Variants in RSF1 observed in about 807,000 individuals in gnomAD.
RSF1 encodes the protein remodeling and spacing factor 1.
A neutral mutation model predicts 145.2 loss-of-function variants in RSF1; 13 were observed. The ratio of observed to expected loss-of-function variants is 0.09; its 90% CI spans 0.06 to 0.14. RSF1 has a LOEUF of 0.14. Ranked by LOEUF, RSF1 falls within the 10% of genes least tolerant of loss-of-function variation. RSF1 has a pLI of 1.00. For synonymous variants in RSF1, 577 were observed against 592.6 expected, an observed-to-expected ratio of 0.97 and a Z score of 0.38; for missense variants, 1,517 against 1,718.2, an observed-to-expected ratio of 0.88 and a Z score of 2.07.
At chr11:77,715,926 T>C (rs970741759) in intron 5 of RSF1, among the ~76,000 whole-genome samples, 1 of 152,200 alleles carries the variant, frequency 6.6e-6, no homozygotes, top group Non-Finnish European at 1.5e-5. Context: ...TGCAACACCA[T>C]GCTTGGCTAG....
intron 12 of RSF1, among the ~76,000 whole-genome samples, chr11:77,677,376 T>C (rs1959736451): frequency 1.3e-5 from 2 of 152,342 alleles, no homozygotes; most frequent in South Asian, 4.1e-4. Flanking sequence ...CTCATACCTA[T>C]GAGCAGTCAC....
At chr11:77,792,173 T>G (rs1948524105) in intron 1 of RSF1, among the ~76,000 whole-genome samples, 1 of 152,084 alleles carries the variant, frequency 6.6e-6, no homozygotes, top group Non-Finnish European at 1.5e-5. Flanking sequence ...AGAGAGCTTG[T>G]GCAGGGAAAC....
intron 4 of RSF1, 75 bp downstream of exon 4, chr11:77,740,656 T>C: frequency 7.2e-7 from 1 of 1,385,752 alleles, no homozygotes; most frequent in East Asian, 2.3e-5. Context: ...GTCTGATAGA[T>C]AACATCCTAG....
chr11:77,682,763 T>C (rs1396832689), intron 11 of RSF1, among the ~76,000 whole-genome samples: 2 of 152,234 alleles, frequency 1.3e-5, no homozygotes, highest in African/African-American at 2.4e-5. Flanking sequence ...TCATTACAAT[T>C]GTAAGTGCTT....
chr11:77,724,247 A>C (rs963483830), intron 5 of RSF1, among the ~76,000 whole-genome samples: 1 of 152,180 alleles, frequency 6.6e-6, no homozygotes, highest in Non-Finnish European at 1.5e-5. Context: ...TGAGGATGGG[A>C]AGCAACTAGA....
chr11:77,789,759 A>C (rs1028061395), intron 1 of RSF1, among the ~76,000 whole-genome samples: 4 of 152,346 alleles, frequency 2.6e-5, no homozygotes, highest in African/African-American at 9.6e-5. Context: ...ACCAACAGGG[A>C]GCCTGAGGAT....
chr11:77,782,950 T>C (rs1017518825), intron 1 of RSF1, among the ~76,000 whole-genome samples: 1 of 152,252 alleles, frequency 6.6e-6, no homozygotes, highest in Non-Finnish European at 1.5e-5. Flanking sequence ...TCTATTATTT[T>C]GTTCATATAC....
chr11:77,869,980 G>A, the RSF1 span: 24 of 574,910 alleles, frequency 4.2e-5, no homozygotes, highest in Non-Finnish European at 5.9e-5. Flanking sequence ...CCTCATCAGC[G>A]TTGGGCTCTC....
intron 2 of RSF1, among the ~76,000 whole-genome samples, chr11:77,759,854 T>G (rs751334769): frequency 2.1e-4 from 8 of 37,262 alleles, no homozygotes; most frequent in Admixed American, 6.9e-4. Context: ...GTGATGCATG[T>G]TAAAAAAAAA....
chr11:77,846,697 A>T, the RSF1 span, among the ~76,000 whole-genome samples: 9 of 152,276 alleles, frequency 5.9e-5, no homozygotes, highest in Admixed American at 5.9e-4. Flanking sequence ...CAAGAGTGAA[A>T]CTACATCTCA....
At chr11:77,824,984 G>A (rs1190207372), upstream of RSF1, among the ~76,000 whole-genome samples, 2 of 151,748 alleles carry the variant, frequency 1.3e-5, no homozygotes, top group Non-Finnish European at 2.9e-5. Flanking sequence ...TTTTGTTGTT[G>A]TTGTTTTTCT....
intron 5 of RSF1, 93 bp downstream of exon 5, chr11:77,725,452 G>T: frequency 9.4e-7 from 1 of 1,059,458 alleles, no homozygotes; most frequent in Non-Finnish European, 1.2e-6. Context: ...TTCAAATTGA[G>T]ATAGAAATTC....
the RSF1 span, among the ~76,000 whole-genome samples, chr11:77,827,415 C>A: frequency 6.6e-6 from 1 of 152,060 alleles, no homozygotes; most frequent in South Asian, 2.1e-4. Context: ...CAGTTCCAAC[C>A]ACATATAAAA....
chr11:77,813,720 C>T (rs998928000), intron 1 of RSF1: 13 of 391,786 alleles, frequency 3.3e-5, no homozygotes, highest in East Asian at 5.7e-5. Context: ...TCGGCGAGAG[C>T]GAACAGTAGT....
intron 1 of RSF1, among the ~76,000 whole-genome samples, chr11:77,816,453 C>T (rs907892234): frequency 5.3e-5 from 8 of 152,062 alleles, no homozygotes; most frequent in Non-Finnish European, 8.8e-5. Context: ...ATTTTCACTT[C>T]GAGTTAAAAT....
At chr11:77,725,908 G>T (rs1307159118) in intron 4 of RSF1, among the ~76,000 whole-genome samples, 1 of 152,150 alleles carries the variant, frequency 6.6e-6, no homozygotes, top group African/African-American at 2.4e-5. Context: ...AAGAATATTA[G>T]ATTTTCCTCT....
At chr11:77,800,906 G>A (rs959590195) in intron 1 of RSF1, among the ~76,000 whole-genome samples, 38 of 152,176 alleles carry the variant, frequency 2.5e-4, no homozygotes, top group Admixed American at 2.2e-3. Context: ...TCAGGAAGCT[G>A]AGGCAAGAGG....
intron 2 of RSF1, among the ~76,000 whole-genome samples, chr11:77,754,792 C>T (rs1290625016): frequency 1.3e-5 from 2 of 151,768 alleles, no homozygotes; most frequent in African/African-American, 4.8e-5. Flanking sequence ...ACAGAATTAG[C>T]CAGGTATGGT....
chr11:77,744,365 CCCAG>C (rs1363539801), intron 3 of RSF1, among the ~76,000 whole-genome samples: 3 of 151,976 alleles, frequency 2.0e-5, no homozygotes, highest in African/African-American at 7.3e-5. Flanking sequence ...CACTCTGTTA[CCCAG>C]GCTGAAGTGC....
Sources: allele counts gnomAD v4.1 joint callset (sites outside exome capture counted in the v4.1 genomes callset), GRCh38; gene constraint gnomAD v4.1.1; transcripts MANE v1.5; gene names NCBI Gene and HGNC (gene_info 2026-07-23, HGNC 2026-07-21).